H2BC5: variants seen among roughly 807,000 people sequenced by gnomAD.
H2BC5 encodes H2B clustered histone 5.
H2BC5 carries 9 observed loss-of-function variants against 5.7 expected under a neutral mutation model. The observed-to-expected ratio is 1.57, with a 90% CI of 0.95 to 2.74. The LOEUF (loss-of-function observed/expected upper bound fraction) is 2.74, where lower values mean the gene tolerates loss of function less well. Among genes scored for constraint, H2BC5 ranks in the 30% most tolerant of loss-of-function variants. The pLI is 0.00. For synonymous variants in H2BC5, 133 were observed against 70.9 expected (o/e 1.88, Z -4.40); for missense variants, 175 against 168.8 (o/e 1.04, Z -0.20).
chr6:26,163,881 C>G (rs1764384028), intron 1 of H2BC5, among the ~76,000 whole-genome samples: 1 of 152,146 alleles, frequency 6.6e-6, no homozygotes, highest in Admixed American at 6.5e-5. Context: ...TGAGCTCAAG[C>G]AATCCTGCCT....
exon 2 of H2BC5, chr6:26,171,256 TG>T (rs1764509967): frequency 6.6e-6 from 1 of 152,194 alleles, no homozygotes; most frequent in Non-Finnish European, 1.5e-5. Context: ...TTACTTGCCA[TG>T]GACTACCTTT....
intron 1 of H2BC5, among the ~76,000 whole-genome samples, chr6:26,167,047 C>CTTTTTTTTTTT (rs1764443081): frequency 1.5e-5 from 1 of 68,478 alleles, no homozygotes; most frequent in Admixed American, 1.9e-4. Flanking sequence ...TTTTTGTTTT[C>CTTTTTTTTTTT]TCTTTTTTTT....
intron 1 of H2BC5, among the ~76,000 whole-genome samples, chr6:26,166,236 G>A (rs549156844): frequency 6.6e-6 from 1 of 152,222 alleles, no homozygotes; most frequent in Non-Finnish European, 1.5e-5. Flanking sequence ...TTTTAGCCTG[G>A]GCCCTTCCTT....
downstream of H2BC5, among the ~76,000 whole-genome samples, chr6:26,160,349 C>T (rs2113833532): frequency 6.6e-6 from 1 of 152,076 alleles, no homozygotes; most frequent in East Asian, 1.9e-4. Context: ...GCACAAGGAG[C>T]TTCACAATCT....
At chr6:26,160,124 C>T, downstream of H2BC5, among the ~76,000 whole-genome samples, 1 of 151,766 alleles carries the variant, frequency 6.6e-6, no homozygotes, top group East Asian at 1.9e-4. Context: ...GATTCTACTG[C>T]TAAGGCTTGG....
intron 1 of H2BC5, among the ~76,000 whole-genome samples, chr6:26,170,450 C>G (rs1173926052): frequency 1.3e-5 from 2 of 152,170 alleles, no homozygotes; most frequent in African/African-American, 4.8e-5. Context: ...GAGGCCACTA[C>G]TGAGTTGTCA....
downstream of H2BC5, chr6:26,158,666 A>C (rs1561968199): frequency 2.8e-6 from 4 of 1,434,862 alleles, no homozygotes; most frequent in Non-Finnish European, 3.8e-6. Context: ...TGGACTTAGC[A>C]CCACAGTACC....
chr6:26,163,721 C>T (rs1246314452), intron 1 of H2BC5: 4 of 153,492 alleles, frequency 2.6e-5, no homozygotes, highest in African/African-American at 9.6e-5. Context: ...GAATAAGCCG[C>T]AATGCCTTTT....
intron 1 of H2BC5, among the ~76,000 whole-genome samples, chr6:26,170,762 T>C (rs552199344): frequency 2.0e-5 from 3 of 152,328 alleles, no homozygotes; most frequent in Non-Finnish European, 4.4e-5. Flanking sequence ...ATTGGAGAAT[T>C]TGAAACAAAG....
chr6:26,160,935 C>G (rs1441939277), downstream of H2BC5: 2 of 151,192 alleles, frequency 1.3e-5, no homozygotes, highest in Admixed American at 1.3e-4. Context: ...AGGCCAGGCA[C>G]AGTGGCTCAC....
downstream of H2BC5, among the ~76,000 whole-genome samples, chr6:26,159,685 G>T (rs1764321290): frequency 6.6e-6 from 1 of 152,044 alleles, no homozygotes. Context: ...GAATTTAAGT[G>T]ATGGATGGAT....
chr6:26,168,865 G>A (rs934974405), intron 1 of H2BC5, among the ~76,000 whole-genome samples: 2 of 152,148 alleles, frequency 1.3e-5, no homozygotes, highest in Admixed American at 1.3e-4. Flanking sequence ...TAATTCATTT[G>A]AGAAATCTTA....
At chr6:26,167,879 A>C (rs1433705713) in intron 1 of H2BC5, among the ~76,000 whole-genome samples, 1 of 151,488 alleles carries the variant, frequency 6.6e-6, no homozygotes, top group African/African-American at 2.4e-5. Context: ...TATCATATTT[A>C]TTTATTTATT....
chr6:26,166,817 A>G (rs893665934), intron 1 of H2BC5, among the ~76,000 whole-genome samples: 1 of 139,102 alleles, frequency 7.2e-6, no homozygotes, highest in Non-Finnish European at 1.5e-5. Flanking sequence ...CTTCTGTCTT[A>G]GCCTCCCTGA....
At chr6:26,163,033 A>C (rs1329313271), downstream of H2BC5, among the ~76,000 whole-genome samples, 1 of 152,040 alleles carries the variant, frequency 6.6e-6, no homozygotes. Flanking sequence ...ATGGTATACT[A>C]TTATTTTAAA....
chr6:26,168,229 C>T (rs140454894), intron 1 of H2BC5, among the ~76,000 whole-genome samples: 1,630 of 152,038 alleles, frequency 0.011, 35 homozygotes, highest in African/African-American at 0.033. Context: ...GAGGCCAAGG[C>T]GGGCAGATCA....
Position 26,158,408 on chromosome 6 carries a change from G to C in H2BC5, c.239G>C (p.Arg80Pro). Residue 80 changes from arginine to proline, a missense_variant, in exon 1 of 1, where the codon CGC (arginine) becomes CCC (proline). Arg to Pro is a moderately radical substitution (Grantham distance 103). Transcript: ENST00000377777. ...GAGCGCATCGCAGGCGAGGCTTCCC[G>C]CCTGGCGCATTACAACAAGCGCTCG... The part of the protein sequence containing the change: ...IFERIAGEAS[R>P]LAHYNKRSTI... The C allele has an allele frequency of 1.2e-6, 2 of 1,614,262 alleles. No individual in the cohort carries two copies. The highest frequency in any genetic ancestry group is 1.7e-6 in the Non-Finnish European group (2 of 1,180,046).
At chr6:26,169,734 G>A (rs566308735) in intron 1 of H2BC5, among the ~76,000 whole-genome samples, 4 of 152,070 alleles carry the variant, frequency 2.6e-5, no homozygotes, top group African/African-American at 7.2e-5. Context: ...GCTGAGGCAG[G>A]CAGATCATGA....
chr6:26,159,243 GTTTTTTTTTTTTT>G (rs35999697), downstream of H2BC5, among the ~76,000 whole-genome samples: 4 of 61,402 alleles, frequency 6.5e-5, no homozygotes, highest in Non-Finnish European at 9.4e-5. Flanking sequence ...TAATTTATAG[GTTTTTTTTTTTTT>G]TTTTTTTTTT....
Sources: gnomAD v4.1 joint callset for allele counts (sites outside exome capture counted in the v4.1 genomes callset) on GRCh38, gnomAD v4.1.1 for gene constraint, MANE v1.5 for transcripts, NCBI Gene and HGNC (gene_info 2026-07-23, HGNC 2026-07-21) for gene names.